CPNE4: variants seen among roughly 807,000 people sequenced by gnomAD.
The protein encoded by CPNE4 is copine-4.
CPNE4 carries 25 observed loss-of-function variants against 67.9 expected under a neutral mutation model. That is an observed-to-expected ratio of 0.37 (90% confidence interval 0.27 to 0.51). CPNE4 has a LOEUF of 0.51. Ranked by LOEUF, CPNE4 falls within the 20% of genes least tolerant of loss-of-function variation. The pLI, the probability that CPNE4 is intolerant of heterozygous loss-of-function variation, is 0.93. For missense variants in CPNE4, 464 were observed against 690.8 expected, an observed-to-expected ratio of 0.67 and a Z score of 3.68; for synonymous variants, 242 against 244.9, an observed-to-expected ratio of 0.99 and a Z score of 0.11.
intron 7 of CPNE4, among the ~76,000 whole-genome samples, chr3:131,627,996 T>G (rs1200115422): frequency 6.6e-6 from 1 of 152,210 alleles, no homozygotes; most frequent in East Asian, 1.9e-4. Context: ...TGACAGGGTT[T>G]GAGAGGATTA....
At chr3:131,820,558 A>T (rs1306305425) in intron 2 of CPNE4, among the ~76,000 whole-genome samples, 1 of 152,242 alleles carries the variant, frequency 6.6e-6, no homozygotes. Flanking sequence ...TATATGCAAC[A>T]CATACTATGC....
chr3:131,853,540 A>G (rs1004844865), intron 2 of CPNE4, among the ~76,000 whole-genome samples: 27 of 151,854 alleles, frequency 1.8e-4, no homozygotes, highest in African/African-American at 6.3e-4. Flanking sequence ...TACAACATGC[A>G]ATAAACATAA....
intron 9 of CPNE4, among the ~76,000 whole-genome samples, chr3:131,576,882 G>A (rs1484057732): frequency 6.6e-6 from 1 of 152,036 alleles, no homozygotes; most frequent in African/African-American, 2.4e-5. Flanking sequence ...ATATAAGGTG[G>A]GAGAACATTG....
chr3:132,012,852 CT>C (rs2073801728), intron 1 of CPNE4, among the ~76,000 whole-genome samples: 1 of 152,144 alleles, frequency 6.6e-6, no homozygotes, highest in Non-Finnish European at 1.5e-5. Context: ...GTCAGGTGGT[CT>C]CCTTTACATT....
chr3:131,942,556 T>C (rs946016424), intron 1 of CPNE4, among the ~76,000 whole-genome samples: 2 of 149,334 alleles, frequency 1.3e-5, no homozygotes, highest in African/African-American at 4.9e-5. Flanking sequence ...AACCAGAATC[T>C]TATTCCAGTG....
intron 2 of CPNE4, among the ~76,000 whole-genome samples, chr3:131,836,855 T>A (rs965278858): frequency 2.6e-5 from 4 of 152,086 alleles, no homozygotes; most frequent in Non-Finnish European, 4.4e-5. Flanking sequence ...CCAGAATATA[T>A]AAAGAATTCT....
In CPNE4 at chr3:131,620,379, C is replaced by T. The variant is rs147083910; in HGVS notation, c.682-32797G>A. 109 of 791,852 alleles carry T rather than the reference C, an allele frequency of 1.4e-4. No homozygotes were observed. In the East Asian group the frequency reaches 6.6e-3, roughly 48 times the overall value. 49.1% of individuals were successfully genotyped at this position (791,852 alleles called of 1,614,324 possible). A position where few individuals can be genotyped will look rare whatever the true frequency, so the allele number is the denominator to read the frequency against. On this transcript the variant is annotated intron_variant, in intron 7 of 15. Transcript: ENST00000429747. Reference sequence around the variant, plus strand: ...GGTTTTAAATTGACAAACTAGGCTACGGTAAATCCTTTTACTTTTGGAATA... The same window carrying T: ...GGTTTTAAATTGACAAACTAGGCTATGGTAAATCCTTTTACTTTTGGAATA...
chr3:131,937,261 G>A (rs767818825), intron 1 of CPNE4, among the ~76,000 whole-genome samples: 12 of 152,082 alleles, frequency 7.9e-5, no homozygotes, highest in Non-Finnish European at 7.4e-5. Context: ...TTTATCACAC[G>A]CTCTAAAGAA....
intron 2 of CPNE4, among the ~76,000 whole-genome samples, chr3:131,826,318 A>G (rs1445002735): frequency 6.6e-6 from 1 of 151,946 alleles, no homozygotes; most frequent in Non-Finnish European, 1.5e-5. Flanking sequence ...CAGCCTCCTC[A>G]GTAGCTGGGA....
rs116616606 is a variant in CPNE4, at chr3:131,970,535, A to G, written c.-2+64032T>C. ...GTTTCCTTGATGGGGCATTTGGGCA[A>G]GAAGCATATAATTTATATAGTTTTT... On this transcript the variant is annotated intron_variant, in intron 1 of 15. Coordinates refer to ENST00000429747, the MANE Select transcript of CPNE4 (RefSeq NM_130808.3). 5.2e-3 allele frequency among the ~76,000 whole-genome samples: 799 copies of G among 152,328 alleles called. 10 individuals are homozygous for G. Among genetic ancestry groups the G allele is most frequent in the African/African-American group, 0.019 (772 of 41,582 alleles).
chr3:131,837,084 T>C (rs2085586568), intron 2 of CPNE4, among the ~76,000 whole-genome samples: 1 of 152,176 alleles, frequency 6.6e-6, no homozygotes, highest in African/African-American at 2.4e-5. Context: ...TACCTACTGC[T>C]GATGAGATAG....
intron 2 of CPNE4, among the ~76,000 whole-genome samples, chr3:131,829,008 C>T (rs931279179): frequency 1.3e-5 from 2 of 152,134 alleles, no homozygotes; most frequent in African/African-American, 2.4e-5. Context: ...TTCCACATAG[C>T]AGGGGAGGCC....
At chr3:131,614,596 G>A (rs1940034897) in intron 7 of CPNE4, among the ~76,000 whole-genome samples, 1 of 152,184 alleles carries the variant, frequency 6.6e-6, no homozygotes, top group Non-Finnish European at 1.5e-5. Flanking sequence ...AAGTAGGTCT[G>A]AAAGGAAATT....
At chr3:131,638,281 G>C (rs991375196) in intron 7 of CPNE4, among the ~76,000 whole-genome samples, 3 of 152,100 alleles carry the variant, frequency 2.0e-5, no homozygotes, top group Admixed American at 2.0e-4. Context: ...CCAAGTTTCT[G>C]CTGTCTTCAG....
chr3:131,596,095 G>C (rs549225621), intron 7 of CPNE4, among the ~76,000 whole-genome samples: 4 of 152,150 alleles, frequency 2.6e-5, no homozygotes, highest in African/African-American at 9.7e-5. Context: ...GTATAGTATT[G>C]TGCACTTCAC....
At chr3:131,603,078 C>T (rs1029034111) in intron 7 of CPNE4, among the ~76,000 whole-genome samples, 1 of 152,092 alleles carries the variant, frequency 6.6e-6, no homozygotes, top group South Asian at 2.1e-4. Flanking sequence ...TGACTTATAT[C>T]TCCACCTGTC....
rs2088709840 is a variant in CPNE4 at position 131,905,454 on chromosome 3, G to C, written c.-1-10C>G. The stretch of plus-strand genomic sequence containing the variant: ...GCTCATCTTCTTCATTCTGTTTTAG[G>C]CAAGTAAAAGAATAAAAAAGAAGTG... On this transcript the variant is annotated splice_polypyrimidine_tract_variant and intron_variant, in intron 1 of 15. Coordinates refer to ENST00000429747, the MANE Select transcript of CPNE4 (RefSeq NM_130808.3). 33 of 1,603,220 alleles carry C rather than the reference G, an allele frequency of 2.1e-5. No homozygotes were observed. The highest frequency in any genetic ancestry group is 2.7e-5 in the Non-Finnish European group (32 of 1,173,824).
intron 7 of CPNE4, among the ~76,000 whole-genome samples, chr3:131,590,116 A>G (rs896962151): frequency 6.6e-6 from 1 of 152,142 alleles, no homozygotes; most frequent in Non-Finnish European, 1.5e-5. Flanking sequence ...CCCTCTCCCA[A>G]TTTGCCCTTC....
chr3:131,829,118 C>T (rs1197990065), intron 2 of CPNE4, among the ~76,000 whole-genome samples: 2 of 152,156 alleles, frequency 1.3e-5, no homozygotes, highest in African/African-American at 4.8e-5. Context: ...GTTTTTAAAA[C>T]CATCAGATCT....
Sources: gnomAD v4.1 joint callset for allele counts (sites outside exome capture counted in the v4.1 genomes callset) on GRCh38, gnomAD v4.1.1 for gene constraint, MANE v1.5 for transcripts, NCBI Gene and HGNC (gene_info 2026-07-23, HGNC 2026-07-21) for gene names.